The following LTBP4 variants were observed in gnomAD, a reference collection of about 807,000 sequenced individuals.
LTBP4 encodes the protein latent-transforming growth factor beta-binding protein 4.
In LTBP4, 93 loss-of-function variants were observed where a neutral mutation model predicts 180.2. The observed-to-expected ratio is 0.52, with a 90% CI of 0.44 to 0.61. LTBP4 has a LOEUF of 0.61. Among genes scored for constraint, LTBP4 ranks in the 20% least tolerant of loss-of-function variants. The pLI is 0.00. For missense variants in LTBP4, 2,116 were observed against 2,256.5 expected (o/e 0.94, Z 1.26); for synonymous variants, 947 against 934.5 (o/e 1.01, Z -0.24).
At position 40,605,301 on chromosome 19, in the gene LTBP4, CGCCTT is replaced by C; in HGVS notation, c.442+76_442+80del. 2 of 1,560,790 alleles carry C rather than the reference CGCCTT, an allele frequency of 1.3e-6. No homozygotes were observed. The highest frequency in any genetic ancestry group is 1.7e-6 in the Non-Finnish European group (2 of 1,151,060). On this transcript the variant is annotated intron_variant, in intron 2 of 29. Transcript: ENST00000396819. This position sits in a 1 kb window ranked among gnomAD's most constrained non-coding sequence, Gnocchi z 5.5. ...CTTTGCCCCTGACCCTCATATTTCC[CGCCTT>C]CCCGAGCACCTTTGCCCAGCTCGCC...
rs771010113 is a variant in LTBP4 at position 40,623,653 on chromosome 19, G to A, written c.3606G>A (p.Val1202=). 3.7e-6 allele frequency: 6 copies of A among 1,613,844 alleles called. No individual in the cohort carries two copies. In the Admixed American group the frequency reaches 6.7e-5, roughly 18 times the overall value. Residue 1202 remains valine (V), a synonymous_variant, in exon 25 of 30, where the codon GTG becomes GTA. Coordinates refer to ENST00000396819, the MANE Select transcript of LTBP4 (RefSeq NM_001042545.2). ...GAGACCAGGTGTGCAAGAGTGGCGT[G>A]TGTGTGAACACGGCCCCGGGCTACT... ...LFRDQVCKSG[V]CVNTAPGYSC... is the part of the protein sequence containing the mutation.
chr19:40,593,395 A>G (rs2081376183), intron 1 of LTBP4, among the ~76,000 whole-genome samples: 1 of 152,056 alleles, frequency 6.6e-6, no homozygotes. Context: ...GGTGTGTGCC[A>G]CCACAGCCAG....
In LTBP4 at chr19:40,619,487, TCTG is replaced by T. The variant is rs772317474; in HGVS notation, c.3215_3217del (p.Ala1072del). Reference sequence around the variant, plus strand: ...TGGACGCTGTGTTCCCCCACGAACTTCTGCTGGTGAGACTGATGTGTCTATTTA... The same window carrying T: ...TGGACGCTGTGTTCCCCCACGAACTTCTGGTGAGACTGATGTGTCTATTTA... On this transcript the variant is annotated inframe_deletion, in exon 22 of 30. Coordinates refer to ENST00000396819, the MANE Select transcript of LTBP4 (RefSeq NM_001042545.2). 2.5e-6 allele frequency: 4 copies of T among 1,609,698 alleles called. No individual in the cohort carries two copies. The South Asian group carries it at 4.4e-5, about 18-fold the overall frequency.
rs868553039 is a variant in LTBP4 at position 40,605,633 on chromosome 19, G to C, written c.671G>C (p.Arg224Pro). The change falls in exon 3 of 30, where the codon CGG becomes CCG. Residue 224 changes from arginine to proline, a missense_variant. Around this residue, in one of 5 missense-constraint regions of LTBP4, gnomAD observed 469 missense variants for 532.5 expected, o/e 0.88. Coordinates refer to ENST00000396819, the MANE Select transcript of LTBP4 (RefSeq NM_001042545.2). This position sits in a 1 kb window ranked among gnomAD's most constrained non-coding sequence, Gnocchi z 5.5. ...SDASGFGYCF[R>P]ELRGGECASP... ...GCCTCGGGCTTCGGTTACTGCTTTC[G>C]GGAGCTGCGCGGAGGCGAAGTGAGA... The C allele has an allele frequency of 3.8e-6, 6 of 1,582,944 alleles. No individual in the cohort carries two copies. The East Asian group carries it at 9.2e-5, about 24-fold the overall frequency.
At chr19:40,610,961 G>C in intron 12 of LTBP4, 191 bp from the exon 13 acceptor site, 1 of 803,514 alleles carries the variant, frequency 1.2e-6, no homozygotes, top group Non-Finnish European at 1.9e-6. Context: ...GCCTTCTCAT[G>C]GGGACTACAG....
At chr19:40,620,987 G>A (rs2081582816) in intron 22 of LTBP4, among the ~76,000 whole-genome samples, 1 of 151,424 alleles carries the variant, frequency 6.6e-6, no homozygotes, top group East Asian at 2.0e-4. Flanking sequence ...TGTTGCCCAG[G>A]CTAGAGTGCA....
intron 21 of LTBP4, 130 bp from the exon 22 acceptor site, chr19:40,619,217 G>T: frequency 1.1e-6 from 1 of 923,704 alleles, no homozygotes; most frequent in Non-Finnish European, 1.6e-6. Flanking sequence ...CTCACTAGAA[G>T]AAAAACAGAT....
intron 28 of LTBP4, 72 bp downstream of exon 28, chr19:40,627,427 CAGAA>C: frequency 7.0e-7 from 1 of 1,437,492 alleles, no homozygotes; most frequent in East Asian, 2.5e-5. Flanking sequence ...GGGAGGGAAA[CAGAA>C]GGCGGGAGGA....
chr19:40,595,286 A>G (rs966757135), intron 1 of LTBP4, among the ~76,000 whole-genome samples: 1 of 152,070 alleles, frequency 6.6e-6, no homozygotes, highest in African/African-American at 2.4e-5. Flanking sequence ...TTCAGAGAAT[A>G]TAGGGTGGAG....
In LTBP4 at chr19:40,613,462, T is replaced by C. The variant is rs749240390; in HGVS notation, c.2490T>C (p.Thr830=). 1.9e-6 allele frequency: 3 copies of C among 1,598,794 alleles called. No individual in the cohort carries two copies. The highest frequency in any genetic ancestry group is 1.1e-5 in the South Asian group (1 of 88,372). ...TCCCTCACGGCGAGTGCCTCAACAC[T>C]GACGGCTCCTTTGCCTGTACTTGTG... ...FCFPHGECLN[T]DGSFACTCAP... is the part of the protein sequence containing the mutation. The change falls in exon 17 of 30, where the codon ACT becomes ACC. Residue 830 remains threonine (T), a synonymous_variant. Coordinates refer to ENST00000396819, the MANE Select transcript of LTBP4 (RefSeq NM_001042545.2). This position sits in a 1 kb window ranked among gnomAD's most constrained non-coding sequence, Gnocchi z 5.0.
intron 11 of LTBP4, 160 bp from the exon 12 acceptor site, chr19:40,610,372 C>G: frequency 1.3e-6 from 1 of 785,272 alleles, no homozygotes; most frequent in Non-Finnish European, 2.0e-6. Flanking sequence ...TCCACAATTG[C>G]CTCTCTCACT....
At chr19:40,607,046 C>A (rs142541409) in intron 6 of LTBP4, among the ~76,000 whole-genome samples, 101 of 152,308 alleles carry the variant, frequency 6.6e-4, no homozygotes, top group African/African-American at 2.2e-3. Context: ...CCACTGCGCC[C>A]AGCTCTCCCA....
Position 40,625,287 on chromosome 19 carries a change from TATATATATATATATATATATATATATATA to T in LTBP4, c.3833-569_3833-541del, listed in dbSNP as rs1432694843. On this transcript the variant is annotated intron_variant, in intron 26 of 29. Coordinates refer to ENST00000396819, the MANE Select transcript of LTBP4 (RefSeq NM_001042545.2). ...ATATATATATATATATATATATATA[TATATATATATATATATATATATATATATA>T]TTTTTTTTTTTAAAGATGGGTTTTT... Among the ~76,000 whole-genome samples the T allele has an allele frequency of 4.4e-3, 43 of 9,686 alleles. 8 individuals are homozygous for T. The highest frequency in any genetic ancestry group is 0.012 in the South Asian group (4 of 326). 6.4% of individuals were successfully genotyped at this position (9,686 alleles called of 152,430 possible). A position where few individuals can be genotyped will look rare whatever the true frequency, so the allele number is the denominator to read the frequency against.
rs1224238115 is a variant in LTBP4 at position 40,605,846 on chromosome 19, G to A, written c.793+15G>A. The A allele has an allele frequency of 1.2e-5, 19 of 1,535,198 alleles. No individual in the cohort carries two copies. The highest frequency in any genetic ancestry group is 1.5e-5 in the Non-Finnish European group (17 of 1,145,906). On this transcript the variant is annotated intron_variant, in intron 4 of 29. Coordinates refer to ENST00000396819, the MANE Select transcript of LTBP4 (RefSeq NM_001042545.2). This position sits in a 1 kb window ranked among gnomAD's most constrained non-coding sequence, Gnocchi z 5.5. ...CGAGCGCCTGGGTAAGCCCCAGGAC[G>A]TCCCCGAAGTGCTCGGAGCTGGGGA...
chr19:40,611,059 C>A lies in LTBP4; in HGVS notation c.1811-93C>A, dbSNP rs943580006. The A allele has an allele frequency of 9.8e-6, 15 of 1,533,998 alleles. No homozygotes were observed. The highest frequency in any genetic ancestry group is 5.5e-5 in the African/African-American group (4 of 73,282). On this transcript the variant is annotated intron_variant, in intron 12 of 29. Coordinates refer to ENST00000396819, the MANE Select transcript of LTBP4 (RefSeq NM_001042545.2). This position sits in a 1 kb window ranked among gnomAD's most constrained non-coding sequence, Gnocchi z 4.4. ...ACAAGGAGGAATAGAGATGGGGTCA[C>A]GGGGACAGAATGTTGGAGGGTGGAA...
chr19:40,599,398 T>G (rs1229955140), upstream of LTBP4: 6 of 1,610,842 alleles, frequency 3.7e-6, no homozygotes, highest in Non-Finnish European at 5.1e-6. Flanking sequence ...CCTTCCCCAC[T>G]TAGTCCCTGG....
At chr19:40,623,102 C>T in intron 24 of LTBP4, 81 bp downstream of exon 24, 2 of 1,048,806 alleles carry the variant, frequency 1.9e-6, no homozygotes, top group Non-Finnish European at 2.7e-6. Flanking sequence ...GCCTCTGTCT[C>T]TCACCCTTTC....
Position 40,609,933 on chromosome 19 carries a change from C to A in LTBP4, c.1684+62C>A. On this transcript the variant is annotated intron_variant, in intron 11 of 29. Coordinates refer to ENST00000396819, the MANE Select transcript of LTBP4 (RefSeq NM_001042545.2). The surrounding 1 kb of genome is among the most constrained non-coding windows in gnomAD (Gnocchi z 4.9). Reference sequence around the variant, plus strand: ...CAGGGTCTCGCTCCTGCTCTCACTCCAGAGCCTCTCCAGCCCTCCCACGCT... The same window carrying A: ...CAGGGTCTCGCTCCTGCTCTCACTCAAGAGCCTCTCCAGCCCTCCCACGCT... 6.8e-7 allele frequency: 1 copy of A among 1,462,348 alleles called. No homozygotes were observed. Among genetic ancestry groups the A allele is most frequent in the Non-Finnish European group, 9.0e-7 (1 of 1,105,618 alleles). 90.6% of individuals were successfully genotyped at this position (1,462,348 alleles called of 1,614,324 possible).
rs2081572385 is a variant in LTBP4 at position 40,619,552 on chromosome 19, T to A, written c.3217+59T>A. 3.3e-6 allele frequency: 5 copies of A among 1,531,450 alleles called. No homozygotes were observed. The African/African-American group carries it at 6.8e-5, about 21-fold the overall frequency. The allele number at this position is 1,531,450 out of a possible 1,614,324, so 94.9% of individuals were successfully genotyped here. A position where few individuals can be genotyped will look rare whatever the true frequency, so the allele number is the denominator to read the frequency against. On this transcript the variant is annotated intron_variant, in intron 22 of 29. Transcript: ENST00000396819. The stretch of plus-strand genomic sequence containing the variant: ...CTGGCCCCATGGGAAAATCACGTGG[T>A]CTAATCATTCCTGATGTGGACAGCT...
Sources: gnomAD v4.1 joint callset for allele counts (sites outside exome capture counted in the v4.1 genomes callset) on GRCh38, gnomAD v4.1.1 for gene constraint, gnomAD v4.1.1 regional missense constraint, Gnocchi (gnomAD v3.1) non-coding constraint, MANE v1.5 for transcripts, NCBI Gene and HGNC (gene_info 2026-07-23, HGNC 2026-07-21) for gene names.